The following PREX1 variants were observed in gnomAD, a reference collection of about 807,000 sequenced individuals.
PREX1 encodes the protein phosphatidylinositol 3,4,5-trisphosphate-dependent Rac exchanger 1 protein.
In PREX1, 41 loss-of-function variants were observed where a neutral mutation model predicts 198.3. The observed-to-expected ratio is 0.21, with a 90% CI of 0.16 to 0.27. PREX1 has a LOEUF of 0.27. PREX1 is among the 10% of genes least tolerant of loss of function. The pLI is 1.00. For missense variants in PREX1, 1,620 were observed against 2,200.7 expected, an observed-to-expected ratio of 0.74 and a Z score of 5.28; for synonymous variants, 843 against 887.2, an observed-to-expected ratio of 0.95 and a Z score of 0.89.
At chr20:48,804,884 G>GC (rs2090404785) in intron 1 of PREX1, among the ~76,000 whole-genome samples, 1 of 152,220 alleles carries the variant, frequency 6.6e-6, no homozygotes, top group Non-Finnish European at 1.5e-5. Flanking sequence ...GGAGGGGGCC[G>GC]CAAGAGGAGT....
chr20:48,862,635 T>C, the PREX1 span, among the ~76,000 whole-genome samples: 1 of 151,718 alleles, frequency 6.6e-6, no homozygotes, highest in Non-Finnish European at 1.5e-5. Context: ...TCTAAACAGT[T>C]TGTTACTCCT....
chr20:48,822,182 T>C (rs1197618209), intron 1 of PREX1, among the ~76,000 whole-genome samples: 1 of 152,244 alleles, frequency 6.6e-6, no homozygotes, highest in Non-Finnish European at 1.5e-5. Context: ...CTGATGATGA[T>C]GAGCCCAACA....
intron 7 of PREX1, among the ~76,000 whole-genome samples, chr20:48,694,733 G>C (rs948473200): frequency 1.5e-4 from 23 of 152,326 alleles, no homozygotes; most frequent in African/African-American, 5.5e-4. Context: ...ATTCAGGAAC[G>C]TGGAAGAGAC....
rs767376239 is a variant in PREX1, at chr20:48,658,160, G to A, written c.1950C>T (p.Ser650=). The change falls in exon 17 of 40, where the codon TCC becomes TCT. Residue 650 remains serine (S), a synonymous_variant. Coordinates refer to ENST00000371941, the MANE Select transcript of PREX1 (RefSeq NM_020820.4). The part of the protein sequence containing the change: ...EEKNKAVVVK[S]VQRGSLAEVA... ...CCTCAGCCAGCGAGCCCCTCTGGAC[G>A]GACTTCACCACCACAGCCTTGTTCT... 1.1e-5 allele frequency: 17 copies of A among 1,614,016 alleles called. No homozygotes were observed. Among genetic ancestry groups the A allele is most frequent in the East Asian group, 8.9e-5 (4 of 44,890 alleles).
intron 1 of PREX1, among the ~76,000 whole-genome samples, chr20:48,825,184 C>A (rs771835309): frequency 6.6e-6 from 1 of 152,140 alleles, no homozygotes; most frequent in Non-Finnish European, 1.5e-5. Flanking sequence ...CCATTCCTGA[C>A]GGGCCAAGAT....
At chr20:48,649,152 T>C (rs1331531786) in intron 25 of PREX1, 148 bp downstream of exon 25, 10 of 1,178,560 alleles carry the variant, frequency 8.5e-6, no homozygotes, top group South Asian at 1.6e-5. Flanking sequence ...AGCTAGTGGA[T>C]AGACGAAAAA....
At chr20:48,793,744 G>A (rs956079769) in intron 1 of PREX1, among the ~76,000 whole-genome samples, 3 of 152,140 alleles carry the variant, frequency 2.0e-5, no homozygotes, top group Non-Finnish European at 2.9e-5. Context: ...GATCCCTCTC[G>A]GGTCCCCAAG....
intron 1 of PREX1, 51 bp from the exon 2 acceptor site, chr20:48,747,931 A>T: frequency 6.6e-7 from 1 of 1,519,122 alleles, no homozygotes; most frequent in Non-Finnish European, 9.0e-7. Context: ...CAGCTCTCCC[A>T]TGGACGGCCC....
intron 1 of PREX1, among the ~76,000 whole-genome samples, chr20:48,789,657 T>C (rs1489256748): frequency 6.6e-6 from 1 of 152,226 alleles, no homozygotes; most frequent in Non-Finnish European, 1.5e-5. Flanking sequence ...CATTATTTCA[T>C]GAACATTATT....
intron 32 of PREX1, among the ~76,000 whole-genome samples, chr20:48,635,645 T>C (rs895620036): frequency 6.6e-6 from 1 of 152,190 alleles, no homozygotes; most frequent in Non-Finnish European, 1.5e-5. Context: ...ACACAGGCTG[T>C]CTCTGACAGA....
intron 27 of PREX1, chr20:48,642,704 C>T (rs1346182172): frequency 1.2e-5 from 6 of 516,722 alleles, no homozygotes; most frequent in East Asian, 9.3e-5. Flanking sequence ...CAGGCACTAA[C>T]GCATGACAAG....
intron 1 of PREX1, among the ~76,000 whole-genome samples, chr20:48,822,897 C>T (rs2090492850): frequency 6.6e-6 from 1 of 152,182 alleles, no homozygotes; most frequent in South Asian, 2.1e-4. Context: ...GTCCCTCTGC[C>T]TCAATGACTG....
rs73326950 is a variant in PREX1, at chr20:48,660,534, T to C, written c.1739-473A>G. 5.5e-3 allele frequency among the ~76,000 whole-genome samples: 841 copies of C among 152,302 alleles called. 9 individuals carry two copies. Among genetic ancestry groups the C allele is most frequent in the African/African-American group, 0.019 (808 of 41,572 alleles). On this transcript the variant is annotated intron_variant, in intron 15 of 39. Transcript: ENST00000371941. ...CACACCATATGCAACAATAAGCTAA[T>C]GGATTAAAGACCTACGTATGAACAG...
At chr20:48,857,870 G>A in the PREX1 span, among the ~76,000 whole-genome samples, 1 of 152,240 alleles carries the variant, frequency 6.6e-6, no homozygotes, top group Non-Finnish European at 1.5e-5. Context: ...CCTGTAGCTT[G>A]AGCAACAAGC....
chr20:48,711,058 G>A (rs893370412), intron 5 of PREX1, among the ~76,000 whole-genome samples: 9 of 152,376 alleles, frequency 5.9e-5, no homozygotes, highest in South Asian at 2.1e-4. Flanking sequence ...CTCCCTGGCT[G>A]CTGACAGGAG....
chr20:48,688,795 A>G lies in PREX1; in HGVS notation c.1196T>C (p.Leu399Pro). The change falls in exon 10 of 40, where the codon CTG (leucine) becomes CCG (proline). Residue 399 changes from leucine (L) to proline (P), a missense_variant. Physicochemically the swap from Leu to Pro is moderately conservative, Grantham distance 98. Transcript: ENST00000371941. ...GACGTAGGCATCACGCTCCATGCCC[A>G]GCTTCAGGCCTACACAGGGGCACGG... ...REREQRESLKLGMERDAYVMI... is the reference protein window; with the variant it reads ...REREQRESLKPGMERDAYVMI... 1 of 1,614,062 alleles carries G rather than the reference A, an allele frequency of 6.2e-7. No homozygotes were observed. The highest frequency in any genetic ancestry group is 8.5e-7 in the Non-Finnish European group (1 of 1,179,996).
At chr20:48,767,699 T>C (rs1410929847) in intron 1 of PREX1, among the ~76,000 whole-genome samples, 3 of 152,174 alleles carry the variant, frequency 2.0e-5, no homozygotes, top group Non-Finnish European at 4.4e-5. Context: ...GTCGTGTGTC[T>C]CATTCCACTG....
intron 3 of PREX1, among the ~76,000 whole-genome samples, chr20:48,736,518 C>G (rs2090057754): frequency 6.6e-6 from 1 of 152,224 alleles, no homozygotes; most frequent in African/African-American, 2.4e-5. Flanking sequence ...GGGACCCCAG[C>G]ACCCCCAACA....
At chr20:48,754,308 T>C (rs1419617642) in intron 1 of PREX1, among the ~76,000 whole-genome samples, 1 of 152,174 alleles carries the variant, frequency 6.6e-6, no homozygotes, top group Non-Finnish European at 1.5e-5. Flanking sequence ...GTAAAGACCT[T>C]ATTTAAAGCC....
Sources: allele counts gnomAD v4.1 joint callset (sites outside exome capture counted in the v4.1 genomes callset), GRCh38; gene constraint gnomAD v4.1.1; transcripts MANE v1.5; gene names NCBI Gene and HGNC (gene_info 2026-07-23, HGNC 2026-07-21).